Variants in LOC128092252 observed in about 807,000 individuals in gnomAD.
chr15:50,663,189 T>A, the LOC128092252 span: 12 of 633,844 alleles, frequency 1.9e-5, no homozygotes, highest in East Asian at 3.7e-4. Context: ...AGAGCAATGG[T>A]GTGATCTTGG....
the LOC128092252 span, among the ~76,000 whole-genome samples, chr15:50,661,559 G>A: frequency 2.0e-5 from 3 of 151,736 alleles, no homozygotes; most frequent in African/African-American, 7.3e-5. Context: ...TTTTTAAAAT[G>A]TTAAAATAAA....
At chr15:50,664,126 C>T in the LOC128092252 span, among the ~76,000 whole-genome samples, 3 of 151,782 alleles carry the variant, frequency 2.0e-5, no homozygotes, top group African/African-American at 7.3e-5. Flanking sequence ...GGTAAAACCC[C>T]GTCTCTACTA....
the LOC128092252 span, chr15:50,662,987 T>C: frequency 1.2e-6 from 2 of 1,613,438 alleles, no homozygotes; most frequent in Non-Finnish European, 1.7e-6. Flanking sequence ...CCTTGGAACT[T>C]GGTATAATAT....
chr15:50,672,518 G>C, the LOC128092252 span, among the ~76,000 whole-genome samples: 1 of 152,082 alleles, frequency 6.6e-6, no homozygotes, highest in African/African-American at 2.4e-5. Flanking sequence ...CAATTCTACT[G>C]ATGATCCTGA....
the LOC128092252 span, among the ~76,000 whole-genome samples, chr15:50,659,570 G>A: frequency 6.6e-6 from 1 of 152,246 alleles, no homozygotes; most frequent in East Asian, 1.9e-4. Context: ...CTTAGTAACA[G>A]CTTTGGATTT....
At chr15:50,683,790 G>C in the LOC128092252 span, among the ~76,000 whole-genome samples, 2 of 152,084 alleles carry the variant, frequency 1.3e-5, no homozygotes, top group South Asian at 4.1e-4. Flanking sequence ...AACAAAGACA[G>C]TATGTGCCTC....
At chr15:50,685,678 C>G in the LOC128092252 span, among the ~76,000 whole-genome samples, 1 of 152,166 alleles carries the variant, frequency 6.6e-6, no homozygotes, top group Non-Finnish European at 1.5e-5. Context: ...ACCTACTTTG[C>G]TCTTCATGTC....
At chr15:50,663,167 T>C in the LOC128092252 span, 3 of 722,432 alleles carry the variant, frequency 4.2e-6, no homozygotes, top group Non-Finnish European at 6.7e-6. Context: ...TTGCTCTTGT[T>C]GCCCAGACTG....
the LOC128092252 span, among the ~76,000 whole-genome samples, chr15:50,671,787 G>A: frequency 6.6e-6 from 1 of 152,124 alleles, no homozygotes; most frequent in East Asian, 1.9e-4. Context: ...TCCAGCCTGG[G>A]TGAGAGAACT....
chr15:50,674,862 T>A, the LOC128092252 span, among the ~76,000 whole-genome samples: 1 of 152,200 alleles, frequency 6.6e-6, no homozygotes, highest in African/African-American at 2.4e-5. Context: ...TCATCCCCTC[T>A]ACTACATCCC....
chr15:50,679,540 T>TATA, the LOC128092252 span, among the ~76,000 whole-genome samples: 1 of 49,542 alleles, frequency 2.0e-5, no homozygotes, highest in Non-Finnish European at 4.3e-5. Context: ...ATATATATAT[T>TATA]TTTTTTTTTT....
the LOC128092252 span, among the ~76,000 whole-genome samples, chr15:50,679,614 C>T: frequency 6.9e-6 from 1 of 145,238 alleles, no homozygotes; most frequent in South Asian, 2.1e-4. Context: ...GGAGTCACTG[C>T]AACCTCCATC....
At chr15:50,679,340 AAC>A in the LOC128092252 span, among the ~76,000 whole-genome samples, 4 of 149,978 alleles carry the variant, frequency 2.7e-5, no homozygotes, top group Admixed American at 6.7e-5. Context: ...ATCCAAAAAA[AAC>A]AAAACAGAAA....
the LOC128092252 span, among the ~76,000 whole-genome samples, chr15:50,652,671 T>C: frequency 1.3e-5 from 2 of 152,202 alleles, no homozygotes; most frequent in Non-Finnish European, 2.9e-5. Flanking sequence ...AGTGGGTACA[T>C]TTCCCAATTC....
the LOC128092252 span, among the ~76,000 whole-genome samples, chr15:50,682,167 C>A: frequency 3.8e-5 from 1 of 26,100 alleles, no homozygotes. Context: ...GAGCAAAACT[C>A]AGTCTCAAAA....
At chr15:50,685,342 A>G in the LOC128092252 span, among the ~76,000 whole-genome samples, 2 of 152,320 alleles carry the variant, frequency 1.3e-5, no homozygotes, top group South Asian at 4.1e-4. Context: ...CTACAGTCCC[A>G]GCTACTCGGG....
the LOC128092252 span, among the ~76,000 whole-genome samples, chr15:50,671,457 T>C: frequency 1.3e-5 from 2 of 152,156 alleles, no homozygotes; most frequent in Non-Finnish European, 2.9e-5. Context: ...CTGAGGTCAA[T>C]GATGGACCGC....
At chr15:50,662,021 C>T in the LOC128092252 span, among the ~76,000 whole-genome samples, 1 of 152,078 alleles carries the variant, frequency 6.6e-6, no homozygotes, top group Non-Finnish European at 1.5e-5. Context: ...GGTTCAAGAC[C>T]AGCCTGGCCA....
At chr15:50,672,125 G>A in the LOC128092252 span, among the ~76,000 whole-genome samples, 2 of 151,978 alleles carry the variant, frequency 1.3e-5, no homozygotes, top group Non-Finnish European at 2.9e-5. Flanking sequence ...CATGATCTTG[G>A]CTCACTGCAA....
Sources: gnomAD v4.1 joint callset for allele counts (sites outside exome capture counted in the v4.1 genomes callset) on GRCh38, gnomAD v4.1.1 for gene constraint, MANE v1.5 for transcripts.